TYR: variants seen among roughly 807,000 people sequenced by gnomAD.
TYR encodes LB24-AB.
A neutral mutation model predicts 51.5 loss-of-function variants in TYR; 58 were observed. The ratio of observed to expected loss-of-function variants is 1.13; its 90% CI spans 0.91 to 1.40. The LOEUF is 1.40. Among genes scored for constraint, TYR ranks in the 40% most tolerant of loss-of-function variants. TYR has a pLI of 0.00. For missense variants in TYR, 732 were observed against 647.4 expected, an observed-to-expected ratio of 1.13 and a Z score of -1.42; for synonymous variants, 263 against 235.2, an observed-to-expected ratio of 1.12 and a Z score of -1.08.
At chr11:89,258,989 G>C (rs1944426869) in intron 3 of TYR, among the ~76,000 whole-genome samples, 1 of 151,994 alleles carries the variant, frequency 6.6e-6, no homozygotes, top group Non-Finnish European at 1.5e-5. Context: ...TATTGCAAAA[G>C]TATTTCTCAA....
intron 3 of TYR, among the ~76,000 whole-genome samples, chr11:89,237,140 A>G (rs1430572425): frequency 3.3e-5 from 5 of 151,996 alleles, no homozygotes; most frequent in Admixed American, 2.6e-4. Context: ...GGACACATCA[A>G]TTATCTTTTT....
intron 2 of TYR, among the ~76,000 whole-genome samples, chr11:89,222,925 T>C (rs935189872): frequency 6.6e-6 from 1 of 152,122 alleles, no homozygotes; most frequent in Non-Finnish European, 1.5e-5. Flanking sequence ...AAAATTTCTT[T>C]CCATGAGGAA....
chr11:89,274,898 C>T (rs938771831), intron 3 of TYR, among the ~76,000 whole-genome samples: 6 of 151,658 alleles, frequency 4.0e-5, no homozygotes, highest in African/African-American at 1.5e-4. Flanking sequence ...TGTTTAGGTC[C>T]CTTTCAGCAC....
intron 2 of TYR, among the ~76,000 whole-genome samples, chr11:89,211,992 G>A (rs1300120346): frequency 1.3e-5 from 2 of 152,140 alleles, no homozygotes; most frequent in African/African-American, 4.8e-5. Context: ...ACAAGAGAAA[G>A]CAGGAAATAT....
chr11:89,235,549 T>C (rs1430318902), intron 3 of TYR, among the ~76,000 whole-genome samples: 2 of 152,130 alleles, frequency 1.3e-5, no homozygotes, highest in Non-Finnish European at 2.9e-5. Context: ...GACATTACAT[T>C]AAGTGAAATA....
At chr11:89,277,686 T>G (rs1364761523) in intron 3 of TYR, among the ~76,000 whole-genome samples, 1 of 151,718 alleles carries the variant, frequency 6.6e-6, no homozygotes, top group Non-Finnish European at 1.5e-5. Flanking sequence ...CATCTGGTAA[T>G]ACAAACACTT....
intron 3 of TYR, among the ~76,000 whole-genome samples, chr11:89,237,091 T>A (rs1944125750): frequency 6.6e-6 from 1 of 152,202 alleles, no homozygotes; most frequent in Non-Finnish European, 1.5e-5. Context: ...TGCTCTAATC[T>A]ATTAACTCAC....
At chr11:89,258,972 G>C (rs1424392121) in intron 3 of TYR, among the ~76,000 whole-genome samples, 1 of 152,034 alleles carries the variant, frequency 6.6e-6, no homozygotes, top group African/African-American at 2.4e-5. Flanking sequence ...TACCGGAATA[G>C]GTAATCTATT....
intron 2 of TYR, among the ~76,000 whole-genome samples, chr11:89,216,460 C>G (rs1211004958): frequency 6.6e-6 from 1 of 151,562 alleles, no homozygotes. Flanking sequence ...GACACGAGCC[C>G]AGGCAACATG....
intron 4 of TYR, among the ~76,000 whole-genome samples, chr11:89,294,727 T>TA (rs1390078189): frequency 6.6e-6 from 1 of 152,234 alleles, no homozygotes; most frequent in Non-Finnish European, 1.5e-5. Flanking sequence ...TTGCCAACAT[T>TA]ACTATTAATG....
intron 3 of TYR, among the ~76,000 whole-genome samples, chr11:89,275,724 G>A (rs113024721): frequency 2.6e-5 from 4 of 151,688 alleles, no homozygotes; most frequent in African/African-American, 7.3e-5. Context: ...GAAAAATAAC[G>A]TTAAAAAAAT....
chr11:89,191,175 T>G (rs992212746), intron 1 of TYR, 27 bp from the exon 2 acceptor site: 3 of 1,608,796 alleles, frequency 1.9e-6, no homozygotes, highest in African/African-American at 2.7e-5. Context: ...GGTGACAATT[T>G]GTTTAACATG....
intron 2 of TYR, among the ~76,000 whole-genome samples, chr11:89,215,297 C>T (rs377212153): frequency 3.5e-5 from 5 of 142,762 alleles, no homozygotes; most frequent in South Asian, 2.3e-4. Context: ...AACCAATCAC[C>T]GTATGTTCTC....
At chr11:89,186,901 C>T (rs147807903) in intron 1 of TYR, among the ~76,000 whole-genome samples, 26 of 152,244 alleles carry the variant, frequency 1.7e-4, no homozygotes, top group East Asian at 1.4e-3. Flanking sequence ...TTTGTGTATG[C>T]GTAGAGAAAC....
intron 3 of TYR, among the ~76,000 whole-genome samples, chr11:89,239,221 A>G (rs1165072825): frequency 6.6e-6 from 1 of 152,124 alleles, no homozygotes; most frequent in African/African-American, 2.4e-5. Flanking sequence ...CTTTTCTCTG[A>G]TGGAATAATT....
chr11:89,213,734 C>G (rs1374635881), intron 2 of TYR, among the ~76,000 whole-genome samples: 2 of 152,198 alleles, frequency 1.3e-5, no homozygotes, highest in South Asian at 2.1e-4. Flanking sequence ...ACACTGGTAC[C>G]AAAACAGATA....
At chr11:89,245,701 T>C (rs1218125398) in intron 3 of TYR, among the ~76,000 whole-genome samples, 1 of 152,050 alleles carries the variant, frequency 6.6e-6, no homozygotes, top group African/African-American at 2.4e-5. Context: ...GGCGGGCGGA[T>C]TATGAGGTCA....
At chr11:89,246,293 A>C (rs1944266635) in intron 3 of TYR, among the ~76,000 whole-genome samples, 1 of 152,196 alleles carries the variant, frequency 6.6e-6, no homozygotes, top group African/African-American at 2.4e-5. Context: ...GTGTGATCTT[A>C]GGAAAGTTGC....
At chr11:89,231,864 G>A (rs1444117315) in intron 3 of TYR, among the ~76,000 whole-genome samples, 1 of 139,238 alleles carries the variant, frequency 7.2e-6, no homozygotes, top group African/African-American at 2.9e-5. Context: ...GTGCGCTTGT[G>A]ATCACAGCTG....
Sources: allele counts gnomAD v4.1 joint callset (sites outside exome capture counted in the v4.1 genomes callset), GRCh38; gene constraint gnomAD v4.1.1; transcripts MANE v1.5; gene names NCBI Gene and HGNC (gene_info 2026-07-23, HGNC 2026-07-21).